TDRD10: variants seen among roughly 807,000 people sequenced by gnomAD.
TDRD10 encodes tudor domain-containing protein 10.
A neutral mutation model predicts 48.0 loss-of-function variants in TDRD10; 40 were observed. The ratio of observed to expected loss-of-function variants is 0.83; its 90% confidence interval spans 0.65 to 1.09. The LOEUF is 1.09. Among genes scored for constraint, TDRD10 ranks in the 50% least tolerant of loss-of-function variants. The pLI is 0.00. For synonymous variants in TDRD10, 162 were observed against 170.4 expected (o/e 0.95, Z 0.38); for missense variants, 378 against 434.7 (o/e 0.87, Z 1.16).
At chr1:154,534,391 G>C (rs917284019) in intron 6 of TDRD10, 8 of 152,246 alleles carry the variant, frequency 5.3e-5, no homozygotes, top group African/African-American at 1.9e-4. Context: ...CCTTTTGTAG[G>C]TGAAGATGCA....
In TDRD10 at chr1:154,547,296, C is replaced by A. The variant is rs185732766; in HGVS notation, c.953-113C>A. On this transcript the variant is annotated intron_variant, in intron 11 of 12. Coordinates refer to ENST00000368482, the MANE Select transcript of TDRD10 (RefSeq NM_182499.4). ...ACTAGCAGAGACTTGCTGGTTGGAG[C>A]TGGTTGGCGGCCAGAGCACTTTCCC... 9 of 1,023,660 alleles carry A rather than the reference C, an allele frequency of 8.8e-6. No homozygotes were observed. In the African/African-American group the frequency reaches 1.3e-4, roughly 14 times the overall value. The allele number at this position is 1,023,660 out of a possible 1,614,324, so 63.4% of individuals were successfully genotyped here.
intron 4 of TDRD10, among the ~76,000 whole-genome samples, chr1:154,511,171 C>T (rs1693449612): frequency 6.6e-6 from 1 of 152,018 alleles, no homozygotes; most frequent in South Asian, 2.1e-4. Flanking sequence ...GTGATGCGAT[C>T]TCAGCTCACT....
In TDRD10 at chr1:154,508,445, G is replaced by A. The variant is rs1021916297; in HGVS notation, c.105G>A (p.Glu35=). ...TAGGATTCAAGAAAAGAGAGACAGA[G>A]GTGTATGTTGGCAATCTTCCACTGG... ...KSPGFKKRET[E]VYVGNLPLDI... The change falls in exon 4 of 13, where the codon GAG becomes GAA. Residue 35 remains glutamate, a synonymous_variant. Transcript: ENST00000368482. 1.2e-6 allele frequency: 2 copies of A among 1,610,756 alleles called. No individual in the cohort carries two copies. The highest frequency in any genetic ancestry group is 2.7e-5 in the African/African-American group (2 of 74,844).
At chr1:154,523,521 A>G (rs1694164063) in intron 6 of TDRD10, among the ~76,000 whole-genome samples, 1 of 152,166 alleles carries the variant, frequency 6.6e-6, no homozygotes, top group Non-Finnish European at 1.5e-5. Context: ...CTGGGACCAC[A>G]TTTTAGTAGC....
At chr1:154,520,229 TG>T in intron 4 of TDRD10, 74 bp from the exon 5 acceptor site, 1 of 1,037,098 alleles carries the variant, frequency 9.6e-7, no homozygotes, top group Non-Finnish European at 1.5e-6. Flanking sequence ...ACTAGCTGGC[TG>T]GGGATCTGAA....
intron 4 of TDRD10, chr1:154,509,726 C>A: frequency 1.6e-6 from 1 of 640,932 alleles, no homozygotes; most frequent in Non-Finnish European, 1.9e-6. Flanking sequence ...ATCAAAGGGG[C>A]AGGTTGGGGG....
chr1:154,535,812 G>A (rs1694890283), intron 6 of TDRD10, among the ~76,000 whole-genome samples: 1 of 152,272 alleles, frequency 6.6e-6, no homozygotes, highest in Non-Finnish European at 1.5e-5. Context: ...AAAACAAGAC[G>A]GGATCTGGTA....
At chr1:154,512,701 G>C (rs1038032068) in intron 4 of TDRD10, among the ~76,000 whole-genome samples, 1 of 152,090 alleles carries the variant, frequency 6.6e-6, no homozygotes, top group Non-Finnish European at 1.5e-5. Flanking sequence ...AGACATTGGA[G>C]CTCTGATTAC....
chr1:154,531,665 CAA>C (rs1694627575), intron 6 of TDRD10, among the ~76,000 whole-genome samples: 2 of 152,292 alleles, frequency 1.3e-5, no homozygotes, highest in South Asian at 2.1e-4. Flanking sequence ...AGATTTATTG[CAA>C]AGAGCGAAAG....
chr1:154,529,568 G>T (rs138971099), intron 6 of TDRD10, among the ~76,000 whole-genome samples: 1 of 142,560 alleles, frequency 7.0e-6, no homozygotes, highest in East Asian at 2.1e-4. Flanking sequence ...TTTTTGAGAC[G>T]GAGTTTTGTT....
At chr1:154,504,064 C>T (rs1408484456) in intron 1 of TDRD10, among the ~76,000 whole-genome samples, 2 of 152,208 alleles carry the variant, frequency 1.3e-5, no homozygotes, top group East Asian at 3.8e-4. Flanking sequence ...CAGTCCTAGA[C>T]AGCCACTAAT....
intron 6 of TDRD10, among the ~76,000 whole-genome samples, chr1:154,540,606 C>T (rs1006337216): frequency 6.6e-5 from 10 of 151,144 alleles, no homozygotes; most frequent in African/African-American, 1.7e-4. Flanking sequence ...GCTCCTTGGG[C>T]GGGTCTGTTG....
chr1:154,545,338 C>G (rs1195375088), intron 11 of TDRD10, among the ~76,000 whole-genome samples: 7 of 152,170 alleles, frequency 4.6e-5, no homozygotes, highest in African/African-American at 1.7e-4. Flanking sequence ...CACTCGAATG[C>G]CAGTGCTAGA....
chr1:154,542,940 T>A, intron 8 of TDRD10, 119 bp downstream of exon 8: 2 of 741,112 alleles, frequency 2.7e-6, no homozygotes, highest in Non-Finnish European at 4.4e-6. Flanking sequence ...AACTCCTGTG[T>A]CAGACCCAGG....
intron 4 of TDRD10, among the ~76,000 whole-genome samples, chr1:154,518,444 T>C (rs972316974): frequency 5.9e-5 from 9 of 152,338 alleles, no homozygotes; most frequent in Middle Eastern, 3.4e-3. Flanking sequence ...CTTTTTTTTT[T>C]TGAGACGGAG....
rs770146421 is a variant in TDRD10 at position 154,520,390 on chromosome 1, T to G, written c.212+16T>G. On this transcript the variant is annotated intron_variant, in intron 5 of 12. Transcript: ENST00000368482. ...GCTGCAAATGGTAATGACTGTTCTT[T>G]CTTTGTTTTCTTTGGGAAGCAGCTC... 2 of 1,603,628 alleles carry G rather than the reference T, an allele frequency of 1.2e-6. No homozygotes were observed. The highest frequency in any genetic ancestry group is 2.7e-5 in the African/African-American group (2 of 74,690).
intron 6 of TDRD10, among the ~76,000 whole-genome samples, chr1:154,527,072 G>A (rs764737990): frequency 5.3e-5 from 8 of 151,778 alleles, no homozygotes; most frequent in Non-Finnish European, 1.2e-4. Flanking sequence ...CACCACGCCC[G>A]CCTAGTTTTT....
chr1:154,514,741 G>A (rs928686232), intron 4 of TDRD10, among the ~76,000 whole-genome samples: 1 of 152,084 alleles, frequency 6.6e-6, no homozygotes, highest in Non-Finnish European at 1.5e-5. Context: ...AGGCTGGAGT[G>A]CAGTGGTGCA....
intron 6 of TDRD10, among the ~76,000 whole-genome samples, chr1:154,536,608 G>A (rs770832389): frequency 2.0e-5 from 3 of 152,178 alleles, no homozygotes; most frequent in African/African-American, 4.8e-5. Context: ...TGACCAGTGC[G>A]TGCAGCATGT....
Sources: allele counts gnomAD v4.1 joint callset (sites outside exome capture counted in the v4.1 genomes callset), GRCh38; gene constraint gnomAD v4.1.1; transcripts MANE v1.5; gene names NCBI Gene and HGNC (gene_info 2026-07-23, HGNC 2026-07-21).